MACROH2A1: variants seen among roughly 807,000 people sequenced by gnomAD.
MACROH2A1 encodes the protein macroH2A.1 histone.
Under a neutral mutation model 31.6 loss-of-function variants are expected in MACROH2A1, and 2 were observed. The ratio of observed to expected loss-of-function variants is 0.06; its 90% CI spans 0.03 to 0.20. MACROH2A1 has a LOEUF of 0.20. Ranked by LOEUF, MACROH2A1 falls within the 10% of genes least tolerant of loss-of-function variation. The probability of loss-of-function intolerance (pLI) is 1.00; values close to 1 mark genes in which losing one functional copy is unlikely to be tolerated. For missense variants in MACROH2A1, 230 were observed against 474.0 expected (o/e 0.49, Z 4.78); for synonymous variants, 169 against 189.6 (o/e 0.89, Z 0.89).
chr5:135,338,470 G>A (rs67004469), intron 8 of MACROH2A1, among the ~76,000 whole-genome samples: 12,976 of 152,248 alleles, frequency 0.085, 640 homozygotes, highest in Middle Eastern at 0.16. Flanking sequence ...GTAGAAAACT[G>A]CCCCTTCCAC....
intron 8 of MACROH2A1, among the ~76,000 whole-genome samples, chr5:135,338,906 T>C (rs556207213): frequency 6.6e-6 from 1 of 152,320 alleles, no homozygotes; most frequent in South Asian, 2.1e-4. Flanking sequence ...AAGCATTAAT[T>C]TCCTCCACTA....
At chr5:135,365,303 C>G (rs1763360282) in intron 4 of MACROH2A1, among the ~76,000 whole-genome samples, 1 of 152,122 alleles carries the variant, frequency 6.6e-6, no homozygotes, top group African/African-American at 2.4e-5. Flanking sequence ...AGGGGCCAGG[C>G]ATGCTCCCAC....
At chr5:135,396,174 CCTCT>C (rs1178722729) in intron 1 of MACROH2A1, among the ~76,000 whole-genome samples, 3 of 152,174 alleles carry the variant, frequency 2.0e-5, no homozygotes, top group Non-Finnish European at 4.4e-5. Context: ...TCTACATACT[CCTCT>C]CTCTTTTAAA....
chr5:135,373,634 G>A (rs1764477341), intron 2 of MACROH2A1, among the ~76,000 whole-genome samples: 2 of 152,184 alleles, frequency 1.3e-5, no homozygotes, highest in South Asian at 2.1e-4. Flanking sequence ...GGCAGAAGGA[G>A]GAGCATCTCA....
chr5:135,361,196 CATT>C (rs1762805542), intron 4 of MACROH2A1: 1 of 171,898 alleles, frequency 5.8e-6, no homozygotes, highest in African/African-American at 2.4e-5. Context: ...TCTTCCTCAG[CATT>C]ATTAAGACTG....
Position 135,349,921 on chromosome 5 carries a change from G to A in MACROH2A1, c.688+3025C>T, listed in dbSNP as rs1377517304. On this transcript the variant is annotated intron_variant, in intron 6 of 8. Coordinates refer to ENST00000511689, the MANE Select transcript of MACROH2A1 (RefSeq NM_138610.3). ...GGAACCTGAAGCACTGAGGAGTTAA[G>A]TGACTTGACCAGGCCCTATGATCAG... 5.9e-5 allele frequency among the ~76,000 whole-genome samples: 9 copies of A among 152,168 alleles called. No homozygotes were observed. In the East Asian group the frequency reaches 1.3e-3, roughly 23 times the overall value.
At chr5:135,357,737 T>A (rs1762350425) in intron 5 of MACROH2A1, 3 of 985,018 alleles carry the variant, frequency 3.0e-6, no homozygotes, top group Non-Finnish European at 2.4e-6. Flanking sequence ...TTCACAGCAC[T>A]GATTTCTTTT....
chr5:135,378,068 T>C (rs957313437), intron 2 of MACROH2A1, among the ~76,000 whole-genome samples: 19 of 152,170 alleles, frequency 1.2e-4, no homozygotes, highest in Non-Finnish European at 2.8e-4. Context: ...CTCCAACACC[T>C]AGGATTCCAC....
At chr5:135,397,094 T>C (rs372826122) in intron 1 of MACROH2A1, among the ~76,000 whole-genome samples, 69 of 152,302 alleles carry the variant, frequency 4.5e-4, no homozygotes, top group African/African-American at 1.6e-3. Flanking sequence ...GCAGTTCTGA[T>C]GAACAACACA....
At chr5:135,335,525 C>A (rs1230724711) in intron 8 of MACROH2A1, among the ~76,000 whole-genome samples, 2 of 152,182 alleles carry the variant, frequency 1.3e-5, no homozygotes, top group African/African-American at 4.8e-5. Context: ...TTGATGTCAG[C>A]CCCAGGGGAT....
At position 135,360,572 on chromosome 5, in the gene MACROH2A1, G is replaced by A. The variant is rs147908999; in HGVS notation, c.513C>T (p.Ala171=). ...KQGEVSKAAS[A]DSTTEGTPAD... ...CAGGTGTGCCCTCGGTTGTGCTGTC[G>A]GCGCTGGCTGCCTTACTGACTTCAC... The change falls in exon 5 of 9, where the codon GCC becomes GCT. Residue 171 remains alanine, a synonymous_variant. Coordinates refer to ENST00000511689, the MANE Select transcript of MACROH2A1 (RefSeq NM_138610.3). The A allele has an allele frequency of 7.7e-5, 124 of 1,613,974 alleles. 1 individual carries two copies. The African/African-American group carries it at 1.2e-3, about 16-fold the overall frequency.
At chr5:135,338,799 T>A (rs1479502734) in intron 8 of MACROH2A1, among the ~76,000 whole-genome samples, 1 of 152,216 alleles carries the variant, frequency 6.6e-6, no homozygotes, top group African/African-American at 2.4e-5. Context: ...ATCTTTCAGA[T>A]CAGATGTTGC....
intron 5 of MACROH2A1, 197 bp from the exon 6 acceptor site, chr5:135,353,242 T>C (rs1761793095): frequency 3.6e-6 from 2 of 551,782 alleles, no homozygotes; most frequent in East Asian, 3.0e-5. Flanking sequence ...GCAAGCAAAC[T>C]AGGATGAATG....
intron 5 of MACROH2A1, chr5:135,355,175 T>C: frequency 2.2e-6 from 1 of 456,094 alleles, no homozygotes; most frequent in Non-Finnish European, 4.4e-6. Context: ...GAGAACCACC[T>C]GCTCTGTCTA....
chr5:135,362,034 G>C (rs768341714), intron 4 of MACROH2A1: 1 of 152,194 alleles, frequency 6.6e-6, no homozygotes, highest in Non-Finnish European at 1.5e-5. Flanking sequence ...ATGAGTGAAA[G>C]AGAAACAGGT....
intron 1 of MACROH2A1, among the ~76,000 whole-genome samples, chr5:135,397,845 AC>A (rs1224674849): frequency 6.6e-6 from 1 of 152,012 alleles, no homozygotes; most frequent in Non-Finnish European, 1.5e-5. Flanking sequence ...TCCCATTCAA[AC>A]CTAAGACTGT....
chr5:135,395,776 G>A (rs1767886396), intron 1 of MACROH2A1, among the ~76,000 whole-genome samples: 1 of 152,082 alleles, frequency 6.6e-6, no homozygotes, highest in African/African-American at 2.4e-5. Flanking sequence ...AGCCAATCAG[G>A]AAAAATATCT....
Position 135,389,005 on chromosome 5 carries a change from C to T in MACROH2A1, c.89G>A (p.Arg30Gln), listed in dbSNP as rs1766818716. The T allele has an allele frequency of 6.2e-7, 1 of 1,613,908 alleles. No individual in the cohort carries two copies. Among genetic ancestry groups the T allele is most frequent in the Middle Eastern group, 1.6e-4 (1 of 6,062 alleles). ...GVIFPVGRMLRYIKKGHPKYR... is the reference protein window; with the variant it reads ...GVIFPVGRMLQYIKKGHPKYR... ...CTTGGGGTGGCCTTTCTTGATGTAC[C>T]GCAGCATCCGCCCCACGGGAAAGAT... The change falls in exon 2 of 9, where the codon CGG becomes CAG. Residue 30 changes from arginine (R) to glutamine (Q), a missense_variant. This residue lies in a region of MACROH2A1 where 47 missense variants were observed against 154.7 expected (regional missense o/e 0.30). Coordinates refer to ENST00000511689, the MANE Select transcript of MACROH2A1 (RefSeq NM_138610.3).
chr5:135,345,789 C>T, intron 7 of MACROH2A1, 179 bp downstream of exon 7: 1 of 551,244 alleles, frequency 1.8e-6, no homozygotes, highest in East Asian at 2.9e-5. Flanking sequence ...GGTGATTTTC[C>T]CAGACAACCT....
Sources: gnomAD v4.1 joint callset for allele counts (sites outside exome capture counted in the v4.1 genomes callset) on GRCh38, gnomAD v4.1.1 for gene constraint, gnomAD v4.1.1 regional missense constraint, MANE v1.5 for transcripts, NCBI Gene and HGNC (gene_info 2026-07-23, HGNC 2026-07-21) for gene names.